Variants in APBB2 observed in about 807,000 individuals in gnomAD.
APBB2 encodes amyloid beta precursor protein binding family B member 2, also known as Fe65-like 1.
A neutral mutation model predicts 82.5 loss-of-function variants in APBB2; 38 were observed. The ratio of observed to expected loss-of-function variants is 0.46; its 90% CI spans 0.36 to 0.60. The LOEUF (loss-of-function observed/expected upper bound fraction) is 0.60, where lower values mean the gene tolerates loss of function less well. APBB2 is among the 20% of genes least tolerant of loss of function. The pLI is 0.00. For missense variants in APBB2, 772 were observed against 972.3 expected (o/e 0.79, Z 2.74); for synonymous variants, 341 against 368.2 (o/e 0.93, Z 0.85).
chr4:40,876,140 A>G (rs892559760), intron 12 of APBB2, among the ~76,000 whole-genome samples: 3 of 152,238 alleles, frequency 2.0e-5, no homozygotes, highest in African/African-American at 4.8e-5. Flanking sequence ...TAGCCAGCTC[A>G]TGAGTTAAAT....
At chr4:40,979,135 A>C (rs574392376) in intron 6 of APBB2, among the ~76,000 whole-genome samples, 6 of 152,324 alleles carry the variant, frequency 3.9e-5, no homozygotes, top group African/African-American at 1.4e-4. Flanking sequence ...AGAATCTGGA[A>C]GGAAGGCTAT....
intron 6 of APBB2, among the ~76,000 whole-genome samples, chr4:41,000,138 G>A (rs1180686678): frequency 1.3e-5 from 2 of 149,334 alleles, no homozygotes; most frequent in Non-Finnish European, 1.5e-5. Flanking sequence ...GTGTGCACCC[G>A]TAGTCACAGT....
At chr4:41,000,059 A>ATGTGTGTGTGTGTGTG (rs1307419146) in intron 6 of APBB2, among the ~76,000 whole-genome samples, 32 of 92,960 alleles carry the variant, frequency 3.4e-4, no homozygotes, top group East Asian at 9.4e-4. Context: ...ATATGTATAT[A>ATGTGTGTGTGTGTGTG]TATGTGTGTA....
chr4:40,923,087 T>C (rs1218057483), intron 10 of APBB2, among the ~76,000 whole-genome samples: 1 of 151,718 alleles, frequency 6.6e-6, no homozygotes, highest in African/African-American at 2.4e-5. Context: ...GCCATTCTCC[T>C]GCCTCAGCCT....
Position 40,811,642 on chromosome 4 carries a change from T to G in APBB2, c.*4450A>C, listed in dbSNP as rs1387343374. On this transcript the variant is annotated 3_prime_UTR_variant, in exon 18 of 18. Transcript: ENST00000508593. ...GCATTTTACATTCTTGGACTTCTTC[T>G]TGAGATAAAAGTGCTGCAAAATTCT... The G allele has an allele frequency of 7.1e-6, 1 of 141,246 alleles. No homozygotes were observed. Among genetic ancestry groups the G allele is most frequent in the East Asian group, 1.9e-4 (1 of 5,200 alleles). The allele number at this position is 141,246 out of a possible 1,614,324, so 8.7% of individuals were successfully genotyped here.
At chr4:41,046,541 A>G (rs1378883652) in intron 4 of APBB2, among the ~76,000 whole-genome samples, 2 of 152,244 alleles carry the variant, frequency 1.3e-5, no homozygotes, top group Non-Finnish European at 2.9e-5. Flanking sequence ...AAGACCTATT[A>G]GAGAAAACAT....
At position 40,825,971 on chromosome 4, in the gene APBB2, C is replaced by G. The variant is rs1208828062; in HGVS notation, c.1733-1G>C. On this transcript the variant is annotated splice_acceptor_variant, in intron 14 of 17. Transcript: ENST00000508593. LOFTEE classifies it high-confidence loss of function. ...TCAGTCTTTGGTGTTGGAAAATCTA[C>G]TACAGGGAACAAAAGCAACACATCT... 2 of 1,613,198 alleles carry G rather than the reference C, an allele frequency of 1.2e-6. No homozygotes were observed. The highest frequency in any genetic ancestry group is 1.7e-6 in the Non-Finnish European group (2 of 1,179,244).
intron 1 of APBB2, among the ~76,000 whole-genome samples, chr4:41,191,046 G>A (rs1326985275): frequency 1.3e-5 from 2 of 152,132 alleles, no homozygotes; most frequent in African/African-American, 4.8e-5. Context: ...GAGAAGCTTG[G>A]CAGGGACCCA....
intron 2 of APBB2, among the ~76,000 whole-genome samples, chr4:41,120,305 G>A (rs910206616): frequency 1.3e-5 from 2 of 151,996 alleles, no homozygotes; most frequent in Non-Finnish European, 2.9e-5. Flanking sequence ...TATATAAACC[G>A]ACTCAGGCCT....
At chr4:40,894,585 T>C (rs767243728) in intron 10 of APBB2, among the ~76,000 whole-genome samples, 4 of 152,224 alleles carry the variant, frequency 2.6e-5, no homozygotes, top group East Asian at 1.9e-4. Flanking sequence ...CCAGGTCCTA[T>C]AGCGTTTGTG....
chr4:40,827,090 G>A, intron 14 of APBB2, 42 bp downstream of exon 14: 1 of 1,569,190 alleles, frequency 6.4e-7, no homozygotes, highest in Non-Finnish European at 8.8e-7. Context: ...TGGACCAGGA[G>A]GGACAGGGCC....
intron 1 of APBB2, among the ~76,000 whole-genome samples, chr4:41,168,955 G>A (rs1362404317): frequency 6.6e-6 from 1 of 151,958 alleles, no homozygotes; most frequent in Admixed American, 6.6e-5. Flanking sequence ...GGGAGGCTGA[G>A]GTGGGCGGAT....
intron 1 of APBB2, among the ~76,000 whole-genome samples, chr4:41,164,802 C>T (rs974997702): frequency 1.3e-5 from 2 of 152,168 alleles, no homozygotes; most frequent in African/African-American, 4.8e-5. Context: ...AAGGTTATGA[C>T]TTAAGAGGTT....
chr4:40,827,858 C>T (rs991315846), intron 13 of APBB2, among the ~76,000 whole-genome samples: 3 of 152,146 alleles, frequency 2.0e-5, no homozygotes, highest in African/African-American at 4.8e-5. Flanking sequence ...CAAATCTCGT[C>T]GTGAATTGTA....
intron 6 of APBB2, among the ~76,000 whole-genome samples, chr4:40,975,070 C>T (rs1040372597): frequency 6.6e-6 from 1 of 152,140 alleles, no homozygotes; most frequent in African/African-American, 2.4e-5. Context: ...TGGTCTGGGT[C>T]CCTCTCCTTC....
chr4:40,985,363 T>C (rs1288476936), intron 6 of APBB2, among the ~76,000 whole-genome samples: 1 of 152,164 alleles, frequency 6.6e-6, no homozygotes, highest in Non-Finnish European at 1.5e-5. Flanking sequence ...AACCCAGTGG[T>C]AGGAAGCTAT....
chr4:41,138,638 T>A (rs1758256397), intron 2 of APBB2, among the ~76,000 whole-genome samples: 1 of 152,232 alleles, frequency 6.6e-6, no homozygotes, highest in Non-Finnish European at 1.5e-5. Context: ...AATTTCATAA[T>A]TATCATCTTT....
intron 6 of APBB2, among the ~76,000 whole-genome samples, chr4:41,011,867 C>T (rs1444307414): frequency 2.0e-5 from 3 of 152,006 alleles, no homozygotes; most frequent in Non-Finnish European, 4.4e-5. Context: ...TTTAAAAATA[C>T]ATTTATGTTT....
intron 5 of APBB2, among the ~76,000 whole-genome samples, chr4:41,029,703 G>A (rs1009817268): frequency 6.6e-6 from 1 of 151,990 alleles, no homozygotes; most frequent in Middle Eastern, 3.2e-3. Flanking sequence ...TTTATTTGTC[G>A]ATTATAAAAA....
Sources: allele counts gnomAD v4.1 joint callset (sites outside exome capture counted in the v4.1 genomes callset), GRCh38; gene constraint gnomAD v4.1.1; transcripts MANE v1.5; gene names NCBI Gene and HGNC (gene_info 2026-07-23, HGNC 2026-07-21).